ANO4: variants seen among roughly 807,000 people sequenced by gnomAD.
ANO4 encodes anoctamin 4.
ANO4 carries 69 observed loss-of-function variants against 141.9 expected under a neutral mutation model. That is an observed-to-expected ratio of 0.49 (90% CI 0.40 to 0.59). The LOEUF (loss-of-function observed/expected upper bound fraction) is 0.59, where lower values mean the gene tolerates loss of function less well. Ranked by LOEUF, ANO4 falls within the 20% of genes least tolerant of loss-of-function variation. The pLI, the probability that ANO4 is intolerant of heterozygous loss-of-function variation, is 0.00. For missense variants in ANO4, 894 were observed against 1,162.2 expected, an observed-to-expected ratio of 0.77 and a Z score of 3.36; for synonymous variants, 350 against 394.3, an observed-to-expected ratio of 0.89 and a Z score of 1.33.
chr12:100,908,218 G>A (rs1374212606), intron 2 of ANO4, among the ~76,000 whole-genome samples: 2 of 152,102 alleles, frequency 1.3e-5, no homozygotes, highest in Non-Finnish European at 2.9e-5. Context: ...ACGTGGTGGT[G>A]CATGCCTGTA....
intron 1 of ANO4, among the ~76,000 whole-genome samples, chr12:100,876,279 A>AG (rs2039299506): frequency 2.6e-5 from 1 of 38,766 alleles, no homozygotes; most frequent in African/African-American, 2.0e-4. Context: ...TATAAAGACC[A>AG]AAAAAAAAAA....
chr12:101,040,510 A>G (rs2047370792), intron 11 of ANO4, among the ~76,000 whole-genome samples: 1 of 152,250 alleles, frequency 6.6e-6, no homozygotes, highest in African/African-American at 2.4e-5. Context: ...CTTAGTTTTC[A>G]TTCAGAACTA....
chr12:101,121,577 AT>A (rs2051094449), intron 26 of ANO4, among the ~76,000 whole-genome samples: 1 of 151,634 alleles, frequency 6.6e-6, no homozygotes, highest in Admixed American at 6.6e-5. Flanking sequence ...AGAATGCTTT[AT>A]TTTCTTTTGA....
intron 17 of ANO4, among the ~76,000 whole-genome samples, chr12:101,093,348 T>C (rs182444151): frequency 2.4e-4 from 37 of 152,284 alleles, no homozygotes; most frequent in Admixed American, 2.1e-3. Flanking sequence ...AAGGATGGTC[T>C]GAAGAAGAGA....
chr12:100,772,856 G>T (rs867980638), intron 3 of ANO4, among the ~76,000 whole-genome samples: 1 of 152,124 alleles, frequency 6.6e-6, no homozygotes, highest in Non-Finnish European at 1.5e-5. Flanking sequence ...AAAATCACAC[G>T]ATCTCAAACA....
intron 7 of ANO4, among the ~76,000 whole-genome samples, chr12:100,979,604 A>G (rs919026641): frequency 6.6e-6 from 1 of 152,166 alleles, no homozygotes; most frequent in Admixed American, 6.5e-5. Flanking sequence ...ACAGGATTTA[A>G]AACAGGAGCC....
intron 3 of ANO4, among the ~76,000 whole-genome samples, chr12:100,922,715 G>C (rs980994263): frequency 3.3e-5 from 5 of 152,078 alleles, no homozygotes; most frequent in Non-Finnish European, 7.4e-5. Context: ...TAATAAGAGG[G>C]AAATGTTAGT....
At chr12:100,916,505 A>T (rs1188885227) in intron 2 of ANO4, among the ~76,000 whole-genome samples, 1 of 152,120 alleles carries the variant, frequency 6.6e-6, no homozygotes, top group Non-Finnish European at 1.5e-5. Flanking sequence ...TAAAAGGGGG[A>T]TACAGTTTGA....
At chr12:101,123,790 G>A (rs770285242) in intron 26 of ANO4, among the ~76,000 whole-genome samples, 29 of 152,144 alleles carry the variant, frequency 1.9e-4, no homozygotes, top group Admixed American at 5.9e-4. Context: ...ATGCATGCAT[G>A]TATGTTTATA....
At chr12:100,806,507 G>A (rs933241974) in intron 1 of ANO4, among the ~76,000 whole-genome samples, 1 of 111,134 alleles carries the variant, frequency 9.0e-6, no homozygotes, top group Non-Finnish European at 1.9e-5. Flanking sequence ...ATTTTTAGGA[G>A]GTTTTTTTTT....
intron 1 of ANO4, among the ~76,000 whole-genome samples, chr12:100,862,907 G>A (rs192137326): frequency 6.6e-6 from 1 of 152,348 alleles, no homozygotes; most frequent in Admixed American, 6.5e-5. Context: ...AAGTGCTACA[G>A]TGAATAATAA....
chr12:101,040,213 G>T (rs1331377263), intron 11 of ANO4, 137 bp downstream of exon 11: 1 of 1,105,074 alleles, frequency 9.0e-7, no homozygotes, highest in Non-Finnish European at 1.2e-6. Context: ...CTTCACAAGA[G>T]GAAACTCATC....
intron 13 of ANO4, among the ~76,000 whole-genome samples, chr12:101,047,154 C>T (rs1000714836): frequency 5.3e-5 from 8 of 152,240 alleles, no homozygotes; most frequent in South Asian, 2.1e-4. Context: ...GAGGCTGAGA[C>T]AGGAAAATCA....
chr12:100,835,336 G>A (rs1340394474), intron 1 of ANO4, among the ~76,000 whole-genome samples: 3 of 152,126 alleles, frequency 2.0e-5, no homozygotes, highest in African/African-American at 7.2e-5. Context: ...GGCATAATGT[G>A]TGAGAAGGAG....
In ANO4 at chr12:100,907,787, CA is replaced by C. The variant is rs374555746; in HGVS notation, c.55+5949del. On this transcript the variant is annotated intron_variant, in intron 2 of 27. Transcript: ENST00000392977. Reference sequence around the variant, plus strand: ...GTGCTTCCTTGAATGACATGATACTCAACTTCTTTACCTTTGTACCCTCTCC... The same window carrying C: ...GTGCTTCCTTGAATGACATGATACTCACTTCTTTACCTTTGTACCCTCTCC... 5.5e-4 allele frequency among the ~76,000 whole-genome samples: 83 copies of C among 152,278 alleles called. 1 individual carries two copies. Among genetic ancestry groups the C allele is most frequent in the African/African-American group, 1.9e-3 (81 of 41,566 alleles).
intron 1 of ANO4, among the ~76,000 whole-genome samples, chr12:100,832,468 C>CA (rs2036681448): frequency 6.6e-6 from 1 of 152,008 alleles, no homozygotes; most frequent in South Asian, 2.1e-4. Flanking sequence ...TTAAATAACC[C>CA]AACACCCCAA....
chr12:100,945,863 T>A (rs1487253107), intron 5 of ANO4, among the ~76,000 whole-genome samples: 1 of 152,168 alleles, frequency 6.6e-6, no homozygotes, highest in Non-Finnish European at 1.5e-5. Context: ...ACACTCACTC[T>A]ATGCCAGGCA....
At chr12:100,775,478 G>A (rs965206908) in intron 3 of ANO4, among the ~76,000 whole-genome samples, 4 of 152,176 alleles carry the variant, frequency 2.6e-5, no homozygotes, top group African/African-American at 9.7e-5. Context: ...GGGACAAGTG[G>A]TTGGGGAACA....
chr12:101,082,525 A>G (rs1367826761), intron 15 of ANO4, among the ~76,000 whole-genome samples: 3 of 152,222 alleles, frequency 2.0e-5, no homozygotes, highest in Non-Finnish European at 4.4e-5. Context: ...AAAGAAGCAG[A>G]AGATTCTAGG....
Sources: allele counts gnomAD v4.1 joint callset (sites outside exome capture counted in the v4.1 genomes callset), GRCh38; gene constraint gnomAD v4.1.1; transcripts MANE v1.5; gene names NCBI Gene and HGNC (gene_info 2026-07-23, HGNC 2026-07-21).